Variants in CTNNA2 observed in about 807,000 individuals in gnomAD.
CTNNA2 encodes catenin alpha-2.
A neutral mutation model predicts 101.0 loss-of-function variants in CTNNA2; 42 were observed. The observed-to-expected ratio is 0.42, with a 90% CI of 0.32 to 0.54. The LOEUF is 0.54. CTNNA2 is among the 20% of genes least tolerant of loss of function. The pLI, the probability that CTNNA2 is intolerant of heterozygous loss-of-function variation, is 0.14. For missense variants in CTNNA2, 871 were observed against 1,223.1 expected (o/e 0.71, Z 4.29); for synonymous variants, 450 against 456.4 (o/e 0.99, Z 0.18).
At chr2:80,151,135 C>T (rs1325352915) in intron 7 of CTNNA2, among the ~76,000 whole-genome samples, 3 of 152,348 alleles carry the variant, frequency 2.0e-5, no homozygotes, top group African/African-American at 7.2e-5. Flanking sequence ...GCAGTTTCGT[C>T]CCAGGCTCTG....
At chr2:79,785,346 C>A (rs1476975647) in intron 3 of CTNNA2, among the ~76,000 whole-genome samples, 2 of 152,200 alleles carry the variant, frequency 1.3e-5, no homozygotes, top group African/African-American at 4.8e-5. Context: ...CCACAGAGTT[C>A]ATTGATGCCA....
intron 18 of CTNNA2, among the ~76,000 whole-genome samples, chr2:80,647,324 T>C (rs1200747954): frequency 1.3e-5 from 2 of 152,168 alleles, no homozygotes; most frequent in African/African-American, 4.8e-5. Flanking sequence ...TCACCATTGC[T>C]AATTACCCTA....
At position 79,203,622 on chromosome 2, in the gene CTNNA2, GT is replaced by G. The variant is rs1247419092; in HGVS notation, c.-406+5551del. Among the ~76,000 whole-genome samples, 3 of 152,170 alleles carry G rather than the reference GT, an allele frequency of 2.0e-5. No homozygotes were observed. The East Asian group carries it at 5.8e-4, about 29-fold the overall frequency. ...AAGCATGTATGATAGACAATGCATAGTTTTTAAATCAAATGCAAAAATGTTT... is the reference window on the plus strand; with the variant it reads ...AAGCATGTATGATAGACAATGCATAGTTTTAAATCAAATGCAAAAATGTTT... On this transcript the variant is annotated intron_variant, in intron 2 of 21. Coordinates refer to the CTNNA2 transcript ENST00000466387.
At chr2:79,930,550 T>C (rs1043375509) in intron 7 of CTNNA2, among the ~76,000 whole-genome samples, 2 of 152,132 alleles carry the variant, frequency 1.3e-5, no homozygotes, top group Non-Finnish European at 2.9e-5. Flanking sequence ...TGGACGTCCA[T>C]TTTGGATTTC....
At chr2:79,551,222 C>T (rs1294978034) in intron 1 of CTNNA2, among the ~76,000 whole-genome samples, 1 of 152,068 alleles carries the variant, frequency 6.6e-6, no homozygotes, top group Non-Finnish European at 1.5e-5. Flanking sequence ...TCAGGAGCAT[C>T]TGTGATTATC....
At chr2:80,443,560 C>T (rs1682791700) in intron 9 of CTNNA2, among the ~76,000 whole-genome samples, 1 of 152,160 alleles carries the variant, frequency 6.6e-6, no homozygotes, top group Non-Finnish European at 1.5e-5. Context: ...GGTCTTGTCA[C>T]AGTCGGTTGA....
At chr2:80,267,881 A>T (rs1673134723) in intron 7 of CTNNA2, among the ~76,000 whole-genome samples, 1 of 152,166 alleles carries the variant, frequency 6.6e-6, no homozygotes, top group Non-Finnish European at 1.5e-5. Flanking sequence ...TCCTTTTGTG[A>T]CCAGAAGGAA....
rs146092802 is a variant in CTNNA2 at position 79,848,941 on chromosome 2, C to T, written c.299-9072C>T. 3.2e-3 allele frequency among the ~76,000 whole-genome samples: 488 copies of T among 152,140 alleles called. 1 individual carries two copies. The highest frequency in any genetic ancestry group is 3.3e-3 in the Non-Finnish European group (227 of 68,010). On this transcript the variant is annotated intron_variant, in intron 3 of 18. Transcript: ENST00000402739. ...CAACAATGGCACTGAGACCAGAGTC[C>T]CTGACTGGGATGTCAGGAGACAGGG...
intron 7 of CTNNA2, among the ~76,000 whole-genome samples, chr2:80,390,565 T>C (rs1258546129): frequency 1.3e-5 from 2 of 152,206 alleles, no homozygotes; most frequent in Admixed American, 1.3e-4. Context: ...TGAACATGAC[T>C]CTTTCCCCTG....
At chr2:79,326,447 A>T (rs1676749244) in intron 3 of CTNNA2, among the ~76,000 whole-genome samples, 1 of 152,078 alleles carries the variant, frequency 6.6e-6, no homozygotes, top group East Asian at 1.9e-4. Context: ...CCTAGAATCC[A>T]CTCTTTATAC....
At chr2:80,157,294 A>G (rs941825320) in intron 7 of CTNNA2, among the ~76,000 whole-genome samples, 11 of 152,186 alleles carry the variant, frequency 7.2e-5, no homozygotes, top group African/African-American at 2.7e-4. Context: ...ATTGAACAGG[A>G]AAGCGGGGGC....
intron 7 of CTNNA2, among the ~76,000 whole-genome samples, chr2:80,345,659 A>T (rs1037198558): frequency 2.0e-5 from 3 of 146,948 alleles, no homozygotes; most frequent in East Asian, 2.0e-4. Context: ...GGACTAATTT[A>T]AAAAAAAAAA....
intron 2 of CTNNA2, among the ~76,000 whole-genome samples, chr2:79,224,648 T>C (rs1212329070): frequency 6.6e-6 from 1 of 152,010 alleles, no homozygotes; most frequent in Non-Finnish European, 1.5e-5. Flanking sequence ...TTCAATGAGT[T>C]CACACAAACA....
chr2:80,060,623 T>G (rs925438101), intron 7 of CTNNA2, among the ~76,000 whole-genome samples: 1 of 152,170 alleles, frequency 6.6e-6, no homozygotes, highest in Non-Finnish European at 1.5e-5. Context: ...TTTTCTCTCT[T>G]TTTCTCTTTT....
chr2:79,881,063 C>T (rs1302766809), intron 6 of CTNNA2, among the ~76,000 whole-genome samples: 2 of 152,136 alleles, frequency 1.3e-5, no homozygotes, highest in African/African-American at 2.4e-5. Flanking sequence ...GCCTTAATTT[C>T]ATTATTTACC....
chr2:79,979,312 G>T (rs941297788), intron 7 of CTNNA2, among the ~76,000 whole-genome samples: 1 of 152,130 alleles, frequency 6.6e-6, no homozygotes, highest in Admixed American at 6.5e-5. Flanking sequence ...GAGCCCAGGA[G>T]TTTGAGGTTA....
intron 15 of CTNNA2, among the ~76,000 whole-genome samples, chr2:80,589,903 T>TGTGTGTGTGTGTGTGC (rs1553400676): frequency 6.9e-6 from 1 of 144,410 alleles, no homozygotes; most frequent in Non-Finnish European, 1.5e-5. Context: ...TGTGTGTGTG[T>TGTGTGTGTGTGTGTGC]GTGCGCGCGC....
intron 7 of CTNNA2, among the ~76,000 whole-genome samples, chr2:80,326,101 G>A (rs1460601798): frequency 5.9e-5 from 9 of 152,182 alleles, no homozygotes; most frequent in African/African-American, 1.9e-4. Flanking sequence ...TCGCAGTGGT[G>A]AAAGTGAGAA....
chr2:79,610,544 C>T (rs1203210985), intron 1 of CTNNA2, among the ~76,000 whole-genome samples: 1 of 152,076 alleles, frequency 6.6e-6, no homozygotes, highest in Admixed American at 6.6e-5. Context: ...ATTACTGATA[C>T]ACATTAAGGA....
Sources: allele counts gnomAD v4.1 joint callset (sites outside exome capture counted in the v4.1 genomes callset), GRCh38; gene constraint gnomAD v4.1.1; transcripts MANE v1.5; gene names NCBI Gene and HGNC (gene_info 2026-07-23, HGNC 2026-07-21).